The following ST8SIA2 variants were observed in gnomAD, a reference collection of about 807,000 sequenced individuals.
The protein encoded by ST8SIA2 is ST8 alpha-N-acetyl-neuraminide alpha-2,8-sialyltransferase 2.
In ST8SIA2, 22 loss-of-function variants were observed where a neutral mutation model predicts 37.6. That is an observed-to-expected ratio of 0.58 (90% CI 0.42 to 0.83). The LOEUF is 0.83. Among genes scored for constraint, ST8SIA2 ranks in the 40% least tolerant of loss-of-function variants. The pLI, the probability that ST8SIA2 is intolerant of heterozygous loss-of-function variation, is 0.00. For synonymous variants in ST8SIA2, 205 were observed against 201.2 expected (o/e 1.02, Z -0.16); for missense variants, 382 against 484.7 (o/e 0.79, Z 1.99).
Position 92,466,167 on chromosome 15 carries a change from ATC to A in ST8SIA2, c.*1786_*1787del, listed in dbSNP as rs2049990724. The A allele has an allele frequency of 6.6e-6, 1 of 152,174 alleles. No individual in the cohort carries two copies. The highest frequency in any genetic ancestry group is 2.4e-5 in the African/African-American group (1 of 41,444). 9.4% of individuals were successfully genotyped at this position (152,174 alleles called of 1,614,324 possible). ...CCCAAAACCGTGAGGAAGGTGATATATCTCTGCATTTTCCCTTGTTGTTGCTT... is the reference window on the plus strand; with the variant it reads ...CCCAAAACCGTGAGGAAGGTGATATATCTGCATTTTCCCTTGTTGTTGCTT... On this transcript the variant is annotated 3_prime_UTR_variant, in exon 6 of 6. Coordinates refer to ENST00000268164, the MANE Select transcript of ST8SIA2 (RefSeq NM_006011.4).
At chr15:92,430,190 T>C in intron 2 of ST8SIA2, 79 bp downstream of exon 2, 1 of 1,392,686 alleles carries the variant, frequency 7.2e-7, no homozygotes, top group Non-Finnish European at 1.0e-6. Flanking sequence ...TGCTGGATGG[T>C]GCCCTTCTTA....
chr15:92,397,124 G>T (rs2049437743), intron 1 of ST8SIA2, among the ~76,000 whole-genome samples: 1 of 152,118 alleles, frequency 6.6e-6, no homozygotes, highest in East Asian at 1.9e-4. Context: ...GTGATCTGTT[G>T]GAAGGAAGGA....
intron 1 of ST8SIA2, among the ~76,000 whole-genome samples, chr15:92,409,093 C>T (rs1051628546): frequency 6.6e-6 from 1 of 152,218 alleles, no homozygotes; most frequent in Admixed American, 6.5e-5. Flanking sequence ...AGTAAGTATT[C>T]CTAACAGGCG....
chr15:92,398,973 C>G (rs1275117642), intron 1 of ST8SIA2, among the ~76,000 whole-genome samples: 2 of 152,144 alleles, frequency 1.3e-5, no homozygotes, highest in African/African-American at 4.8e-5. Context: ...TGAGGAGGAC[C>G]AGAGGAGGAC....
At chr15:92,401,223 C>T (rs925833985) in intron 1 of ST8SIA2, among the ~76,000 whole-genome samples, 11 of 152,208 alleles carry the variant, frequency 7.2e-5, no homozygotes, top group Non-Finnish European at 1.5e-4. Context: ...GGGACAAGCT[C>T]ATCTTCCGGA....
At chr15:92,445,177 TG>T (rs1249081015) in intron 5 of ST8SIA2, 2 of 590,788 alleles carry the variant, frequency 3.4e-6, no homozygotes, top group Admixed American at 2.8e-5. Flanking sequence ...GAGTTGAGAA[TG>T]ATCTTGGGGG....
At chr15:92,444,441 T>C (rs2049825496) in intron 4 of ST8SIA2, among the ~76,000 whole-genome samples, 195 bp from the exon 5 acceptor site, 1 of 152,150 alleles carries the variant, frequency 6.6e-6, no homozygotes, top group Admixed American at 6.5e-5. Context: ...GTACACGATA[T>C]GAGCTCAGTA....
intron 1 of ST8SIA2, among the ~76,000 whole-genome samples, chr15:92,396,117 G>GA (rs1424604913): frequency 2.6e-5 from 4 of 152,006 alleles, no homozygotes; most frequent in African/African-American, 9.7e-5. Context: ...CCAATCCTAG[G>GA]AAAAAACGGT....
Position 92,438,276 on chromosome 15 carries a change from C to A in ST8SIA2, c.291-77C>A, listed in dbSNP as rs1453416750. 1.2e-5 allele frequency: 19 copies of A among 1,610,808 alleles called. 1 individual carries two copies. The highest frequency in any genetic ancestry group is 8.9e-5 in the East Asian group (4 of 44,870). On this transcript the variant is annotated intron_variant, in intron 3 of 5. Coordinates refer to ENST00000268164, the MANE Select transcript of ST8SIA2 (RefSeq NM_006011.4). ...GCTGCAGCCACCGTGCAGGGCGACC[C>A]TGGATAGGAAAAGCTGGGCTGGCAA...
rs756672498 is a variant in ST8SIA2, at chr15:92,444,783, C to T, written c.696C>T (p.Ser232=). The part of the protein sequence containing the change: ...WREKLLQRLH[S]LNGSILWIPA... The stretch of plus-strand genomic sequence containing the variant: ...AGAAGCTGCTGCAACGGCTGCACAG[C>T]CTCAATGGCAGCATCCTGTGGATCC... The change falls in exon 5 of 6, where the codon AGC becomes AGT. Residue 232 remains serine (S), a synonymous_variant. Transcript: ENST00000268164. 6 of 1,614,142 alleles carry T rather than the reference C, an allele frequency of 3.7e-6. No individual in the cohort carries two copies. Among genetic ancestry groups the T allele is most frequent in the Non-Finnish European group, 5.1e-6 (6 of 1,180,042 alleles).
chr15:92,405,418 A>C (rs2049501238), intron 1 of ST8SIA2, among the ~76,000 whole-genome samples: 1 of 152,256 alleles, frequency 6.6e-6, no homozygotes, highest in African/African-American at 2.4e-5. Flanking sequence ...GCTGCAGAAT[A>C]ATATGAATGT....
At chr15:92,416,725 G>A (rs748497317) in intron 1 of ST8SIA2, among the ~76,000 whole-genome samples, 2 of 152,090 alleles carry the variant, frequency 1.3e-5, no homozygotes, top group Non-Finnish European at 2.9e-5. Context: ...GCACAGCCCC[G>A]TGGATTGTGG....
chr15:92,435,112 C>T (rs906162093), intron 3 of ST8SIA2, among the ~76,000 whole-genome samples: 2 of 152,324 alleles, frequency 1.3e-5, no homozygotes, highest in African/African-American at 4.8e-5. Flanking sequence ...CAGTTCCAGG[C>T]ATCGTGCTGG....
intron 5 of ST8SIA2, among the ~76,000 whole-genome samples, chr15:92,451,778 G>A (rs1197177869): frequency 6.6e-6 from 1 of 152,158 alleles, no homozygotes; most frequent in Admixed American, 6.5e-5. Context: ...CCATTTTAAA[G>A]ATAGGAAAAC....
At chr15:92,458,786 C>T (rs904050300) in intron 5 of ST8SIA2, among the ~76,000 whole-genome samples, 4 of 152,036 alleles carry the variant, frequency 2.6e-5, no homozygotes, top group Non-Finnish European at 4.4e-5. Context: ...TTGATCTGAG[C>T]CTTGATAGGA....
At chr15:92,449,469 A>C (rs947852198) in intron 5 of ST8SIA2, among the ~76,000 whole-genome samples, 2 of 152,230 alleles carry the variant, frequency 1.3e-5, no homozygotes, top group Admixed American at 6.5e-5. Context: ...TGCTATGAAC[A>C]TGCCAGTGCA....
chr15:92,409,598 G>A (rs914974818), intron 1 of ST8SIA2, among the ~76,000 whole-genome samples: 4 of 152,234 alleles, frequency 2.6e-5, no homozygotes, highest in South Asian at 2.1e-4. Context: ...TCTGTATAGC[G>A]AGTGCATGAC....
Position 92,437,794 on chromosome 15 carries a change from G to A in ST8SIA2, c.291-559G>A, listed in dbSNP as rs184373047. Among the ~76,000 whole-genome samples the A allele has an allele frequency of 2.6e-5, 4 of 152,324 alleles. 1 individual carries two copies. The East Asian group carries it at 5.8e-4, about 22-fold the overall frequency. On this transcript the variant is annotated intron_variant, in intron 3 of 5. Coordinates refer to ENST00000268164, the MANE Select transcript of ST8SIA2 (RefSeq NM_006011.4). ...CCTGTCATCTGGCTTTCTGCTCCTA[G>A]ACAAATTTATTATCCTTTTTTCAAA... is the stretch of plus-strand genomic sequence containing the variant.
In ST8SIA2 at chr15:92,467,743, G is replaced by C. The variant is rs560936938; in HGVS notation, c.*3358G>C. ...CCACATGGACATGCCTTACACTGGCGTCCTCTCCTGAGTCCCTCCGCACTC... is the reference window on the plus strand; with the variant it reads ...CCACATGGACATGCCTTACACTGGCCTCCTCTCCTGAGTCCCTCCGCACTC... On this transcript the variant is annotated 3_prime_UTR_variant, in exon 6 of 6. Transcript: ENST00000268164. 1 of 152,296 alleles carries C rather than the reference G, an allele frequency of 6.6e-6. No individual in the cohort carries two copies. The highest frequency in any genetic ancestry group is 6.6e-5 in the Admixed American group (1 of 15,260). The allele number at this position is 152,296 out of a possible 1,614,324, so 9.4% of individuals were successfully genotyped here.
Sources: allele counts gnomAD v4.1 joint callset (sites outside exome capture counted in the v4.1 genomes callset), GRCh38; gene constraint gnomAD v4.1.1; transcripts MANE v1.5; gene names NCBI Gene and HGNC (gene_info 2026-07-23, HGNC 2026-07-21).